WDR59: variants seen among roughly 807,000 people sequenced by gnomAD.
WDR59 encodes the protein GATOR2 complex protein WDR59.
WDR59 carries 100 observed loss-of-function variants against 131.2 expected under a neutral mutation model. The ratio of observed to expected loss-of-function variants is 0.76; its 90% CI spans 0.65 to 0.90. WDR59 has a LOEUF of 0.90. Ranked by LOEUF, WDR59 falls within the 40% of genes least tolerant of loss-of-function variation. WDR59 has a pLI of 0.00. For missense variants in WDR59, 1,203 were observed against 1,262.2 expected, an observed-to-expected ratio of 0.95 and a Z score of 0.71; for synonymous variants, 601 against 466.2, an observed-to-expected ratio of 1.29 and a Z score of -3.72.
At chr16:74,880,728 C>T (rs749095722) in intron 25 of WDR59, among the ~76,000 whole-genome samples, 8 of 152,146 alleles carry the variant, frequency 5.3e-5, no homozygotes, top group Non-Finnish European at 1.2e-4. Flanking sequence ...TGGGTCCTAA[C>T]GGACAAACTA....
chr16:74,909,547 G>A lies in WDR59; in HGVS notation c.1596C>T (p.Ala532=), dbSNP rs1394781059. Residue 532 remains alanine, a synonymous_variant, in exon 16 of 26, where the codon GCC becomes GCT. Coordinates refer to ENST00000262144, the MANE Select transcript of WDR59 (RefSeq NM_030581.4). ...VTTAYGSYQD[A]NIPFPRTSGA... The stretch of plus-strand genomic sequence containing the variant: ...CAGAAGTCCTAGGAAAGGGAATGTT[G>A]GCGTCCTGGTACGACCCGTAAGCCG... The A allele has an allele frequency of 1.2e-6, 2 of 1,606,380 alleles. No homozygotes were observed. The highest frequency in any genetic ancestry group is 1.7e-6 in the Non-Finnish European group (2 of 1,177,074).
rs1332964793 is a variant in WDR59, at chr16:74,886,413, G to T, written c.2420-17C>A. 6.2e-7 allele frequency: 1 copy of T among 1,610,268 alleles called. No homozygotes were observed. Among genetic ancestry groups the T allele is most frequent in the Non-Finnish European group, 8.5e-7 (1 of 1,178,584 alleles). ...CTCTTCCCGCTGAAGAAAATCAAAT[G>T]GGAAGGGAAGATGGCAATCAGAGAA... On this transcript the variant is annotated splice_polypyrimidine_tract_variant and intron_variant, in intron 23 of 25. Coordinates refer to ENST00000262144, the MANE Select transcript of WDR59 (RefSeq NM_030581.4).
intron 11 of WDR59, 22 bp from the exon 12 acceptor site, chr16:74,916,281 G>A (rs780095339): frequency 7.4e-6 from 12 of 1,613,340 alleles, no homozygotes; most frequent in South Asian, 1.1e-5. Context: ...GGTAGAAGAT[G>A]TAGTTCTAGA....
At chr16:74,875,630 T>A (rs1268997791) in intron 25 of WDR59, among the ~76,000 whole-genome samples, 1 of 152,164 alleles carries the variant, frequency 6.6e-6, no homozygotes, top group East Asian at 1.9e-4. Context: ...CCATCACCAC[T>A]AACCCTTCAG....
chr16:74,967,697 A>G (rs2033828226), intron 1 of WDR59, among the ~76,000 whole-genome samples: 1 of 152,008 alleles, frequency 6.6e-6, no homozygotes, highest in African/African-American at 2.4e-5. Flanking sequence ...CATCTCTACT[A>G]AAAATACAAA....
chr16:74,922,575 G>A (rs1284682057), intron 9 of WDR59, among the ~76,000 whole-genome samples: 2 of 152,090 alleles, frequency 1.3e-5, no homozygotes, highest in Admixed American at 1.3e-4. Flanking sequence ...CGCCCCCCCG[G>A]CACTGCAACT....
intron 25 of WDR59, among the ~76,000 whole-genome samples, chr16:74,881,788 G>A (rs12445200): frequency 0.15 from 22,588 of 149,514 alleles, 1,834 homozygotes; most frequent in Middle Eastern, 0.21. Flanking sequence ...TAGGAGAATC[G>A]CTTGAACCAA....
chr16:74,884,036 C>T (rs1964641069), intron 25 of WDR59, among the ~76,000 whole-genome samples: 1 of 152,198 alleles, frequency 6.6e-6, no homozygotes, highest in Non-Finnish European at 1.5e-5. Context: ...TGCTGGAAAT[C>T]TAGGAATCGT....
At position 74,899,556 on chromosome 16, in the gene WDR59, G is replaced by C. The variant is rs761304923; in HGVS notation, c.1866+4391C>G. On this transcript the variant is annotated intron_variant, in intron 18 of 25. Transcript: ENST00000262144. ...GCCCTTGGTGTCTGAACTCCCCCAAGCAAAAAATTGACTGTTGCTGGTCCT... is the reference window on the plus strand; with the variant it reads ...GCCCTTGGTGTCTGAACTCCCCCAACCAAAAAATTGACTGTTGCTGGTCCT... 6.8e-5 allele frequency: 38 copies of C among 556,400 alleles called. 1 individual carries two copies. Among genetic ancestry groups the C allele is most frequent in the Non-Finnish European group, 3.7e-5 (13 of 352,078 alleles). 34.5% of individuals were successfully genotyped at this position (556,400 alleles called of 1,614,324 possible).
intron 1 of WDR59, among the ~76,000 whole-genome samples, chr16:74,981,921 G>A (rs2034446400): frequency 7.6e-6 from 1 of 132,052 alleles, no homozygotes; most frequent in African/African-American, 2.8e-5. Flanking sequence ...CTCCCAAAGT[G>A]GTGGGATTAC....
rs566771251 is a variant in WDR59, at chr16:74,889,693, C to T, written c.2195+10G>A. The T allele has an allele frequency of 7.1e-5, 114 of 1,608,160 alleles. No homozygotes were observed. The highest frequency in any genetic ancestry group is 3.3e-4 in the Middle Eastern group (2 of 6,032). On this transcript the variant is annotated intron_variant, in intron 21 of 25. Coordinates refer to ENST00000262144, the MANE Select transcript of WDR59 (RefSeq NM_030581.4). ...ACTCATTTTTCTCATTTTTAGCTCT[C>T]AAAACCTACAGGGACTCCAGCAGCT...
At chr16:74,884,367 G>A (rs1964654874) in intron 25 of WDR59, among the ~76,000 whole-genome samples, 1 of 152,132 alleles carries the variant, frequency 6.6e-6, no homozygotes, top group Non-Finnish European at 1.5e-5. Flanking sequence ...TTTGTTTTTT[G>A]AGACAGAGTC....
Position 74,874,398 on chromosome 16 carries a change from C to A in WDR59, c.2736G>T (p.Thr912=), listed in dbSNP as rs1014845926. Residue 912 remains threonine, a synonymous_variant, in exon 26 of 26, where the codon ACG becomes ACT. Coordinates refer to ENST00000262144, the MANE Select transcript of WDR59 (RefSeq NM_030581.4). ...TGAAGCCTTTGCAGATGGCACACTG[C>A]GTGCCACGGACCTCACTCCGGCAGT... ...CSHCRSEVRG[T]QCAICKGFTF... 1 of 1,614,062 alleles carries A rather than the reference C, an allele frequency of 6.2e-7. No individual in the cohort carries two copies. Among genetic ancestry groups the A allele is most frequent in the Non-Finnish European group, 8.5e-7 (1 of 1,180,012 alleles).
At chr16:74,932,782 C>T (rs1313158027) in intron 8 of WDR59, among the ~76,000 whole-genome samples, 1 of 152,144 alleles carries the variant, frequency 6.6e-6, no homozygotes, top group Non-Finnish European at 1.5e-5. Flanking sequence ...AGCCACCATG[C>T]CCAGTCTTGA....
At chr16:74,915,710 CA>C in intron 13 of WDR59, 159 bp downstream of exon 13, 1 of 1,008,642 alleles carries the variant, frequency 9.9e-7, no homozygotes, top group Admixed American at 2.4e-5. Flanking sequence ...AGGCGTGAGC[CA>C]CCGCGCCTGG....
At chr16:74,913,933 A>G (rs1302110079) in intron 13 of WDR59, among the ~76,000 whole-genome samples, 1 of 152,222 alleles carries the variant, frequency 6.6e-6, no homozygotes, top group East Asian at 1.9e-4. Context: ...TTGGCTGGGC[A>G]CAGTGGCTCA....
At chr16:74,937,700 C>A (rs1166335821) in intron 8 of WDR59, among the ~76,000 whole-genome samples, 1 of 152,114 alleles carries the variant, frequency 6.6e-6, no homozygotes, top group Admixed American at 6.6e-5. Flanking sequence ...CTAGGTTTCA[C>A]CATATTGGCC....
chr16:74,900,004 A>G (rs574742479), intron 18 of WDR59, among the ~76,000 whole-genome samples: 2 of 152,254 alleles, frequency 1.3e-5, no homozygotes, highest in Non-Finnish European at 2.9e-5. Context: ...TCTTTTAGTC[A>G]CATTTCAAGG....
chr16:74,929,563 T>A (rs2031195534), intron 8 of WDR59, among the ~76,000 whole-genome samples: 1 of 152,106 alleles, frequency 6.6e-6, no homozygotes, highest in South Asian at 2.1e-4. Flanking sequence ...AAAAGGGAAT[T>A]CTCATACACT....
Sources: gnomAD v4.1 joint callset for allele counts (sites outside exome capture counted in the v4.1 genomes callset) on GRCh38, gnomAD v4.1.1 for gene constraint, MANE v1.5 for transcripts, NCBI Gene and HGNC (gene_info 2026-07-23, HGNC 2026-07-21) for gene names.